NLRP7: variants seen among roughly 807,000 people sequenced by gnomAD.
NLRP7 encodes the protein NLR family pyrin domain containing 7, also known as NACHT, LRR and PYD domains-containing protein 7.
A neutral mutation model predicts 85.5 loss-of-function variants in NLRP7; 72 were observed. That is an observed-to-expected ratio of 0.84 (90% CI 0.70 to 1.02). The LOEUF (loss-of-function observed/expected upper bound fraction) is 1.02, where lower values mean the gene tolerates loss of function less well. Ranked by LOEUF, NLRP7 falls within the 50% of genes least tolerant of loss-of-function variation. The pLI is 0.00. For missense variants in NLRP7, 1,243 were observed against 1,219.5 expected, an observed-to-expected ratio of 1.02 and a Z score of -0.29; for synonymous variants, 550 against 505.2, an observed-to-expected ratio of 1.09 and a Z score of -1.19.
chr19:54,945,395 C>A (rs1461169510), intron 1 of NLRP7, among the ~76,000 whole-genome samples: 1 of 151,250 alleles, frequency 6.6e-6, no homozygotes, highest in East Asian at 2.0e-4. Context: ...CTCGGCCTCC[C>A]AAGTAGCTGG....
chr19:54,924,441 G>A (rs558334360), intron 9 of NLRP7, among the ~76,000 whole-genome samples: 13 of 151,522 alleles, frequency 8.6e-5, no homozygotes, highest in Non-Finnish European at 1.5e-4. Context: ...TGGGCAACAC[G>A]GTGAAACCCT....
Position 54,939,308 on chromosome 19 carries a change from A to G in NLRP7, c.1511T>C (p.Leu504Pro), listed in dbSNP as rs142794450. Residue 504 changes from leucine to proline, a missense_variant, in exon 4 of 10, where the codon CTT becomes CCT. By Grantham distance (98) the Leu-to-Pro change is moderately conservative. Around this residue, in one of 3 missense-constraint regions of NLRP7, gnomAD observed 613 missense variants for 588.4 expected, o/e 1.04. Transcript: ENST00000340844. ...GTTCTTGAGTCTTTCTTCTCCGGAA[A>G]GCAGCTTCTGTACGTCCCCGATGTC... 1.2e-4 allele frequency: 198 copies of G among 1,613,982 alleles called. 1 individual carries two copies. Among genetic ancestry groups the G allele is most frequent in the Non-Finnish European group, 1.4e-4 (163 of 1,179,950 alleles).
chr19:54,947,601 GATTAAC>G (rs1569541731), upstream of NLRP7: 5 of 1,289,530 alleles, frequency 3.9e-6, no homozygotes, highest in Non-Finnish European at 5.1e-6. Flanking sequence ...GCCCCACTGA[GATTAAC>G]ATTGGGTGGC....
At chr19:54,935,694 GAAAAAAA>G (rs34297504) in intron 6 of NLRP7, among the ~76,000 whole-genome samples, 2 of 106,038 alleles carry the variant, frequency 1.9e-5, no homozygotes, top group Non-Finnish European at 4.5e-5. Context: ...CTGTCTCAAA[GAAAAAAA>G]AAAAAAAAAA....
At chr19:54,958,046 T>C (rs969703351) in intron 1 of NLRP7, among the ~76,000 whole-genome samples, 2 of 152,086 alleles carry the variant, frequency 1.3e-5, no homozygotes, top group East Asian at 2.0e-4. Context: ...TGAGACCGTG[T>C]CTTTACTAAA....
In NLRP7 at chr19:54,938,257, C is replaced by T. The variant is rs181132927; in HGVS notation, c.1932-16G>A. The T allele has an allele frequency of 3.9e-4, 631 of 1,610,766 alleles. 3 individuals carry two copies. Among genetic ancestry groups the T allele is most frequent in the South Asian group, 1.5e-3 (134 of 91,004 alleles). On this transcript the variant is annotated splice_polypyrimidine_tract_variant and intron_variant, in intron 4 of 9. Transcript: ENST00000340844. ...GTAAGTGCACCTGCAGGAGAACACA[C>T]GTTCATCTCTTAGGACTAGTACCTG...
At chr19:54,954,983 A>G (rs1312997953) in intron 1 of NLRP7, among the ~76,000 whole-genome samples, 2 of 152,010 alleles carry the variant, frequency 1.3e-5, no homozygotes, top group Non-Finnish European at 2.9e-5. Context: ...TCTTTCTGGT[A>G]TGAGATTCAA....
At chr19:54,930,615 C>A (rs374729905) in exon 9 of NLRP7, 64 of 1,611,870 alleles carry the variant, frequency 4.0e-5, no homozygotes, top group Non-Finnish European at 5.3e-5. Flanking sequence ...CTTCTTGGAG[C>A]GCCTCTGAGA....
chr19:54,935,445 T>C (rs971690267), intron 6 of NLRP7, among the ~76,000 whole-genome samples: 13 of 152,012 alleles, frequency 8.6e-5, no homozygotes, highest in Admixed American at 2.0e-4. Flanking sequence ...CCTGTAATCC[T>C]AGCACTTTGG....
intron 1 of NLRP7, among the ~76,000 whole-genome samples, chr19:54,955,248 G>A (rs2069814281): frequency 6.6e-6 from 1 of 151,524 alleles, no homozygotes; most frequent in African/African-American, 2.4e-5. Flanking sequence ...AGAATCACTT[G>A]AACCCGGGTG....
intron 1 of NLRP7, among the ~76,000 whole-genome samples, chr19:54,947,241 C>T (rs960314056): frequency 6.6e-6 from 1 of 151,848 alleles, no homozygotes; most frequent in Non-Finnish European, 1.5e-5. Flanking sequence ...AGGAGAATGG[C>T]GGGTGAACCC....
intron 8 of NLRP7, among the ~76,000 whole-genome samples, chr19:54,932,206 T>C (rs1321838779): frequency 3.3e-5 from 5 of 152,006 alleles, no homozygotes; most frequent in Admixed American, 1.3e-4. Context: ...GGCAGGCAGA[T>C]CACTTAAGGC....
At chr19:54,949,233 G>A (rs2069592403), upstream of NLRP7, among the ~76,000 whole-genome samples, 1 of 151,088 alleles carries the variant, frequency 6.6e-6, no homozygotes, top group Admixed American at 6.6e-5. Context: ...AGCCGAGATT[G>A]CACCACTGCG....
At chr19:54,942,814 T>A (rs2069292107) in intron 1 of NLRP7, among the ~76,000 whole-genome samples, 1 of 152,038 alleles carries the variant, frequency 6.6e-6, no homozygotes, top group South Asian at 2.1e-4. Context: ...CACCACTGAA[T>A]GACACATTGA....
intron 1 of NLRP7, among the ~76,000 whole-genome samples, chr19:54,954,197 C>T (rs2069771701): frequency 6.7e-6 from 1 of 148,298 alleles, no homozygotes; most frequent in South Asian, 2.1e-4. Flanking sequence ...ATGAATAATC[C>T]ACCCCTTGTT....
chr19:54,936,407 G>C, exon 6 of NLRP7: 2 of 1,614,070 alleles, frequency 1.2e-6, no homozygotes, highest in Non-Finnish European at 1.7e-6. Context: ...CCCGGTACGC[G>C]GTGTCAGGGG....
chr19:54,952,074 C>T (rs1022758554), upstream of NLRP7, among the ~76,000 whole-genome samples: 1 of 152,106 alleles, frequency 6.6e-6, no homozygotes, highest in African/African-American at 2.4e-5. Flanking sequence ...TTTGTATCTG[C>T]ACGGTTCCTA....
At chr19:54,940,544 G>A in intron 3 of NLRP7, 78 bp from the exon 4 acceptor site, 6 of 1,519,768 alleles carry the variant, frequency 3.9e-6, no homozygotes, top group Non-Finnish European at 5.4e-6. Context: ...CCAGAAATGA[G>A]GGCCAGGCAC....
chr19:54,927,730 T>C (rs201545577), intron 9 of NLRP7: 1 of 1,614,102 alleles, frequency 6.2e-7, no homozygotes, highest in Non-Finnish European at 8.5e-7. Context: ...GGAGAGCAGA[T>C]CCAAGATGCT....
Sources: gnomAD v4.1 joint callset for allele counts (sites outside exome capture counted in the v4.1 genomes callset) on GRCh38, gnomAD v4.1.1 for gene constraint, gnomAD v4.1.1 regional missense constraint, MANE v1.5 for transcripts, NCBI Gene and HGNC (gene_info 2026-07-23, HGNC 2026-07-21) for gene names.